TRAPPC12: variants seen among roughly 807,000 people sequenced by gnomAD.
TRAPPC12 encodes the protein TPR repeat protein 15.
TRAPPC12 carries 61 observed loss-of-function variants against 69.2 expected under a neutral mutation model. That is an observed-to-expected ratio of 0.88 (90% CI 0.72 to 1.09). The LOEUF (loss-of-function observed/expected upper bound fraction) is 1.09, where lower values mean the gene tolerates loss of function less well. TRAPPC12 is among the 50% of genes least tolerant of loss of function. The pLI, the probability that TRAPPC12 is intolerant of heterozygous loss-of-function variation, is 0.00. For missense variants in TRAPPC12, 1,101 were observed against 1,016.4 expected (o/e 1.08, Z -1.13); for synonymous variants, 469 against 438.9 (o/e 1.07, Z -0.86).
intron 9 of TRAPPC12, among the ~76,000 whole-genome samples, chr2:3,472,858 C>CCAGGGT (rs1666123922): frequency 6.6e-6 from 1 of 152,068 alleles, no homozygotes; most frequent in Non-Finnish European, 1.5e-5. Flanking sequence ...CAACCAGGGA[C>CCAGGGT]CAGGGTCAGG....
At chr2:3,446,210 T>TTTCCATGGCATG (rs1664498385) in intron 6 of TRAPPC12, among the ~76,000 whole-genome samples, 1 of 152,196 alleles carries the variant, frequency 6.6e-6, no homozygotes, top group South Asian at 2.1e-4. Context: ...ATACATATCT[T>TTTCCATGGCATG]TTCCATGGCA....
chr2:3,413,810 TGTAA>T (rs1227249027), intron 3 of TRAPPC12, among the ~76,000 whole-genome samples: 3 of 152,180 alleles, frequency 2.0e-5, no homozygotes, highest in Non-Finnish European at 2.9e-5. Context: ...CTGACAGTAC[TGTAA>T]GTGTTTAAAA....
chr2:3,447,833 C>T (rs1664597360), intron 6 of TRAPPC12, among the ~76,000 whole-genome samples: 1 of 152,136 alleles, frequency 6.6e-6, no homozygotes, highest in Admixed American at 6.5e-5. Flanking sequence ...ACCAGAGACT[C>T]CAGGGTTCTC....
rs79129328 is a variant in TRAPPC12, at chr2:3,412,915, C to A, written c.1165-8966C>A. On this transcript the variant is annotated intron_variant, in intron 3 of 11. Coordinates refer to ENST00000324266, the MANE Select transcript of TRAPPC12 (RefSeq NM_016030.6). ...ACAACCTGAAAAGGCCCAACTTAGC[C>A]GTGAGTGGACATAAATAGGAGTTGT... Among the ~76,000 whole-genome samples the A allele has an allele frequency of 0.017, 2,650 of 152,144 alleles. 116 individuals carry two copies. In the East Asian group the frequency reaches 0.18, roughly 10 times the overall value.
At chr2:3,434,282 C>T (rs1663627228) in intron 5 of TRAPPC12, among the ~76,000 whole-genome samples, 1 of 152,310 alleles carries the variant, frequency 6.6e-6, no homozygotes, top group African/African-American at 2.4e-5. Flanking sequence ...ACCTGGAGCT[C>T]ACAGATGGTT....
intron 3 of TRAPPC12, among the ~76,000 whole-genome samples, chr2:3,406,847 T>C (rs13313750): frequency 0.3 from 45,954 of 152,190 alleles, 7,353 homozygotes; most frequent in Middle Eastern, 0.4. Flanking sequence ...GGCTATTTTT[T>C]ACCCTCTTTG....
chr2:3,452,353 G>A (rs1433040100), intron 6 of TRAPPC12, among the ~76,000 whole-genome samples: 2 of 152,176 alleles, frequency 1.3e-5, no homozygotes, highest in African/African-American at 4.8e-5. Flanking sequence ...CCTCCACCTG[G>A]TTCTTTTTGT....
rs1386334349 is a variant in TRAPPC12, at chr2:3,403,681, G to C, written c.1164+1788G>C. ...AAACAGAAAATGAGAATGTTTTAAA[G>C]TTTATTTTGGAGTAGCGCGTGGCTC... On this transcript the variant is annotated intron_variant, in intron 3 of 11. Transcript: ENST00000324266. Among the ~76,000 whole-genome samples, 3 of 152,332 alleles carry C rather than the reference G, an allele frequency of 2.0e-5. No individual in the cohort carries two copies. In the East Asian group the frequency reaches 5.8e-4, roughly 29 times the overall value.
chr2:3,411,226 G>A (rs896076375), intron 3 of TRAPPC12, among the ~76,000 whole-genome samples: 7 of 152,090 alleles, frequency 4.6e-5, no homozygotes, highest in Admixed American at 1.3e-4. Flanking sequence ...TGAAAATGCT[G>A]TATTATTTCA....
At chr2:3,398,477 C>T (rs1661246463) in intron 2 of TRAPPC12, among the ~76,000 whole-genome samples, 1 of 152,224 alleles carries the variant, frequency 6.6e-6, no homozygotes, top group Non-Finnish European at 1.5e-5. Context: ...TAAACAGGCA[C>T]CTTTCTGCAT....
chr2:3,402,031 G>A, intron 3 of TRAPPC12, 138 bp downstream of exon 3: 1 of 619,306 alleles, frequency 1.6e-6, no homozygotes, highest in Non-Finnish European at 2.8e-6. Context: ...TGGAGTAGAT[G>A]CCAGTCCTGT....
chr2:3,457,577 AT>A (rs1287323152), intron 6 of TRAPPC12, 43 bp from the exon 7 acceptor site: 7 of 1,548,844 alleles, frequency 4.5e-6, no homozygotes, highest in Non-Finnish European at 6.2e-6. Flanking sequence ...TTAGACAAAA[AT>A]TGGTTCCCAT....
chr2:3,477,299 A>G (rs1666335713), intron 9 of TRAPPC12, among the ~76,000 whole-genome samples: 1 of 152,272 alleles, frequency 6.6e-6, no homozygotes, highest in Non-Finnish European at 1.5e-5. Context: ...CTACCATTTT[A>G]CTAGCCACAA....
In TRAPPC12 at chr2:3,411,131, C is replaced by G. The variant is rs1662032575; in HGVS notation, c.1164+9238C>G. ...GATTCCATATCTACTGTATCAAAAT[C>G]CTTTTGTTTTTCAGAAAAACCCAAA... On this transcript the variant is annotated intron_variant, in intron 3 of 11. Transcript: ENST00000324266. Among the ~76,000 whole-genome samples the G allele has an allele frequency of 2.0e-5, 3 of 152,210 alleles. No individual in the cohort carries two copies. The South Asian group carries it at 6.2e-4, about 32-fold the overall frequency.
At chr2:3,406,325 T>C (rs1661728229) in intron 3 of TRAPPC12, among the ~76,000 whole-genome samples, 1 of 152,178 alleles carries the variant, frequency 6.6e-6, no homozygotes, top group African/African-American at 2.4e-5. Flanking sequence ...TGGTAGCCTG[T>C]GAACCACTGG....
At position 3,387,606 on chromosome 2, in the gene TRAPPC12, G is replaced by A. The variant is rs760099780; in HGVS notation, c.-4-14G>A. 4.6e-6 allele frequency: 7 copies of A among 1,512,340 alleles called. No individual in the cohort carries two copies. The South Asian group carries it at 7.5e-5, about 16-fold the overall frequency. The allele number at this position is 1,512,340 out of a possible 1,614,324, so 93.7% of individuals were successfully genotyped here. ...GATCACGCTCAGGGGCCTTCTCTCT[G>A]TCTTTGCTTTCAGGGTCATGGAGGA... On this transcript the variant is annotated splice_polypyrimidine_tract_variant and intron_variant, in intron 1 of 11. Transcript: ENST00000324266.
At position 3,419,524 on chromosome 2, in the gene TRAPPC12, C is replaced by T. The variant is rs112099208; in HGVS notation, c.1165-2357C>T. On this transcript the variant is annotated intron_variant, in intron 3 of 11. Transcript: ENST00000324266. ...TGGACAGTTTAGGGGAACGTGGCAC[C>T]GATCTCATCTTCACCGTCGATCAGT... Among the ~76,000 whole-genome samples the T allele has an allele frequency of 7.2e-4, 109 of 152,144 alleles. 2 individuals are homozygous for T. Among genetic ancestry groups the T allele is most frequent in the African/African-American group, 2.5e-3 (103 of 41,490 alleles).
At chr2:3,464,253 G>A (rs559377596) in intron 8 of TRAPPC12, among the ~76,000 whole-genome samples, 3 of 152,344 alleles carry the variant, frequency 2.0e-5, no homozygotes, top group African/African-American at 7.2e-5. Flanking sequence ...GCAGGAAGGC[G>A]TGGGAAAGGA....
chr2:3,433,070 A>G (rs1200635613), intron 5 of TRAPPC12, among the ~76,000 whole-genome samples: 6 of 152,090 alleles, frequency 3.9e-5, no homozygotes, highest in African/African-American at 4.8e-5. Context: ...TTAATTTACA[A>G]TGCCACATTA....
Sources: allele counts gnomAD v4.1 joint callset (sites outside exome capture counted in the v4.1 genomes callset), GRCh38; gene constraint gnomAD v4.1.1; transcripts MANE v1.5; gene names NCBI Gene and HGNC (gene_info 2026-07-23, HGNC 2026-07-21).